SLC6A11: variants seen among roughly 807,000 people sequenced by gnomAD.
The protein encoded by SLC6A11 is solute carrier family 6 member 11.
SLC6A11 carries 25 observed loss-of-function variants against 74.8 expected under a neutral mutation model. The observed-to-expected ratio is 0.33, with a 90% CI of 0.24 to 0.47. The LOEUF (loss-of-function observed/expected upper bound fraction) is 0.47, where lower values mean the gene tolerates loss of function less well. Ranked by LOEUF, SLC6A11 falls within the 20% of genes least tolerant of loss-of-function variation. The pLI, the probability that SLC6A11 is intolerant of heterozygous loss-of-function variation, is 1.00. For missense variants in SLC6A11, 574 were observed against 837.0 expected (o/e 0.69, Z 3.88); for synonymous variants, 330 against 330.2 (o/e 1.00, Z 0.01).
chr3:10,842,424 G>A (rs1358408152), intron 4 of SLC6A11, among the ~76,000 whole-genome samples: 1 of 152,156 alleles, frequency 6.6e-6, no homozygotes, highest in Non-Finnish European at 1.5e-5. Context: ...TTGTGTTTCT[G>A]GCAGGTGCCC....
chr3:10,873,418 T>C (rs1419407986), intron 5 of SLC6A11, among the ~76,000 whole-genome samples: 8 of 149,526 alleles, frequency 5.4e-5, no homozygotes, highest in African/African-American at 1.8e-4. Flanking sequence ...TCCTATCCTA[T>C]CCTATCCTAT....
chr3:10,872,676 T>A (rs1443161894), intron 5 of SLC6A11, among the ~76,000 whole-genome samples: 12 of 152,148 alleles, frequency 7.9e-5, no homozygotes, highest in Non-Finnish European at 1.0e-4. Flanking sequence ...CATGAGAGTG[T>A]TTGAGTGAGT....
intron 9 of SLC6A11, among the ~76,000 whole-genome samples, chr3:10,928,222 C>T (rs1289552932): frequency 6.6e-6 from 1 of 152,156 alleles, no homozygotes; most frequent in African/African-American, 2.4e-5. Flanking sequence ...TGAGCCTCTC[C>T]CTCCTCTGTG....
At chr3:10,869,105 A>G (rs192323557) in intron 5 of SLC6A11, among the ~76,000 whole-genome samples, 3 of 152,336 alleles carry the variant, frequency 2.0e-5, no homozygotes, top group Non-Finnish European at 4.4e-5. Flanking sequence ...CTTATGTGCT[A>G]TATACACTGT....
At chr3:10,931,603 T>C (rs1465715730) in intron 10 of SLC6A11, among the ~76,000 whole-genome samples, 1 of 152,196 alleles carries the variant, frequency 6.6e-6, no homozygotes, top group Non-Finnish European at 1.5e-5. Flanking sequence ...CCAACAATTA[T>C]AACAGAAAAA....
intron 6 of SLC6A11, among the ~76,000 whole-genome samples, chr3:10,908,232 T>C (rs1695335838): frequency 2.0e-5 from 3 of 152,216 alleles, no homozygotes; most frequent in African/African-American, 4.8e-5. Flanking sequence ...ATGAAAAGTA[T>C]AAAAAGTTTA....
At chr3:10,827,032 A>G (rs1240654482) in intron 4 of SLC6A11, among the ~76,000 whole-genome samples, 1 of 152,172 alleles carries the variant, frequency 6.6e-6, no homozygotes, top group African/African-American at 2.4e-5. Context: ...AAGTACTCAA[A>G]TACTAGTGGG....
chr3:10,885,336 A>G (rs893979052), intron 6 of SLC6A11, among the ~76,000 whole-genome samples: 2 of 152,066 alleles, frequency 1.3e-5, no homozygotes, highest in Non-Finnish European at 2.9e-5. Context: ...CTCTAACTCA[A>G]TAGGACTTGA....
At chr3:10,895,339 C>A (rs1258956607) in intron 6 of SLC6A11, among the ~76,000 whole-genome samples, 1 of 151,586 alleles carries the variant, frequency 6.6e-6, no homozygotes, top group African/African-American at 2.4e-5. Context: ...GAACTTGGTA[C>A]TTTTTTTTTC....
intron 6 of SLC6A11, among the ~76,000 whole-genome samples, chr3:10,899,060 T>A (rs1483643895): frequency 6.6e-6 from 1 of 152,134 alleles, no homozygotes; most frequent in East Asian, 1.9e-4. Context: ...TTCACTACCA[T>A]GAGAACAGTA....
chr3:10,935,285 C>T (rs1036115693), intron 13 of SLC6A11, 86 bp downstream of exon 13: 79 of 1,244,270 alleles, frequency 6.3e-5, no homozygotes, highest in Non-Finnish European at 8.2e-5. Flanking sequence ...TGCGCGATGA[C>T]GGCCTGCGCC....
chr3:10,919,930 AACTCATGT>A (rs983723860), intron 8 of SLC6A11, among the ~76,000 whole-genome samples: 1 of 152,156 alleles, frequency 6.6e-6, no homozygotes, highest in Admixed American at 6.5e-5. Flanking sequence ...CTGGCTATCA[AACTCATGT>A]ACTTCCCACT....
intron 10 of SLC6A11, among the ~76,000 whole-genome samples, chr3:10,930,903 G>A (rs1695677303): frequency 6.6e-6 from 1 of 152,054 alleles, no homozygotes; most frequent in Non-Finnish European, 1.5e-5. Context: ...CAGGCGCTGG[G>A]GCTTCACATG....
intron 10 of SLC6A11, among the ~76,000 whole-genome samples, chr3:10,929,950 T>C (rs568111489): frequency 3.9e-5 from 6 of 152,318 alleles, no homozygotes; most frequent in South Asian, 2.1e-4. Context: ...AAATACCTTC[T>C]TATGTATCTT....
chr3:10,837,677 C>T (rs964934214), intron 4 of SLC6A11, among the ~76,000 whole-genome samples: 4 of 152,200 alleles, frequency 2.6e-5, no homozygotes, highest in Non-Finnish European at 4.4e-5. Flanking sequence ...ACCCCTAGAC[C>T]GTAAGTTCCC....
intron 5 of SLC6A11, among the ~76,000 whole-genome samples, chr3:10,871,750 G>A (rs775099511): frequency 6.6e-6 from 1 of 151,510 alleles, no homozygotes; most frequent in Non-Finnish European, 1.5e-5. Context: ...TATTTGATCT[G>A]CACCTTTTCT....
intron 1 of SLC6A11, 86 bp from the exon 2 acceptor site, chr3:10,819,379 C>A: frequency 7.5e-7 from 1 of 1,329,762 alleles, no homozygotes; most frequent in East Asian, 2.3e-5. Context: ...CATGTCTGGC[C>A]TGTAGTAGAT....
Position 10,935,189 on chromosome 3 carries a change from C to T in SLC6A11, c.1736C>T (p.Thr579Ile), listed in dbSNP as rs777869553. ...ATCACAGTGTGGAAGACGGAGGGGA[C>T]ACTGCCCGAGGTGAGACCGCCCCAG... ...ICITVWKTEG[T>I]LPEKLQKLTT... The change falls in exon 13 of 14, where the codon ACA becomes ATA. Residue 579 changes from threonine to isoleucine, a missense_variant. Physicochemically the swap from Thr to Ile is moderately conservative, Grantham distance 89. Around this residue, in one of 4 missense-constraint regions of SLC6A11, gnomAD observed 257 missense variants for 341.5 expected, o/e 0.75. Transcript: ENST00000254488. 1.1e-4 allele frequency: 175 copies of T among 1,613,978 alleles called. No homozygotes were observed. The highest frequency in any genetic ancestry group is 1.2e-4 in the Non-Finnish European group (143 of 1,179,970).
At chr3:10,827,355 AT>A (rs1694224551) in intron 4 of SLC6A11, among the ~76,000 whole-genome samples, 1 of 152,104 alleles carries the variant, frequency 6.6e-6, no homozygotes, top group Non-Finnish European at 1.5e-5. Context: ...TCTGGGAAAC[AT>A]TTTGCTAGGA....
Sources: gnomAD v4.1 joint callset for allele counts (sites outside exome capture counted in the v4.1 genomes callset) on GRCh38, gnomAD v4.1.1 for gene constraint, gnomAD v4.1.1 regional missense constraint, MANE v1.5 for transcripts, NCBI Gene and HGNC (gene_info 2026-07-23, HGNC 2026-07-21) for gene names.